Variants in CAB39L observed in about 807,000 individuals in gnomAD.
CAB39L encodes the protein calcium-binding protein 39-like.
CAB39L carries 23 observed loss-of-function variants against 39.1 expected under a neutral mutation model. The observed-to-expected ratio is 0.59, with a 90% CI of 0.42 to 0.83. The LOEUF (loss-of-function observed/expected upper bound fraction) is 0.83. Among genes scored for constraint, CAB39L ranks in the 40% least tolerant of loss-of-function variants. The pLI, the probability that CAB39L is intolerant of heterozygous loss-of-function variation, is 0.00. For missense variants in CAB39L, 366 were observed against 391.9 expected (o/e 0.93, Z 0.56); for synonymous variants, 126 against 137.2 (o/e 0.92, Z 0.57).
chr13:49,373,338 G>A (rs1244130454), intron 5 of CAB39L, among the ~76,000 whole-genome samples: 1 of 152,124 alleles, frequency 6.6e-6, no homozygotes, highest in Non-Finnish European at 1.5e-5. Context: ...TAACAAAAAA[G>A]CCAATCAAGG....
intron 1 of CAB39L, among the ~76,000 whole-genome samples, chr13:49,436,627 G>A (rs576011855): frequency 1.4e-3 from 184 of 136,254 alleles, no homozygotes; most frequent in Non-Finnish European, 1.5e-3. Context: ...CAAACTCCTG[G>A]GCTCAAGCCT....
chr13:49,380,178 A>T (rs1441627506), intron 4 of CAB39L, among the ~76,000 whole-genome samples: 1 of 152,172 alleles, frequency 6.6e-6, no homozygotes, highest in Non-Finnish European at 1.5e-5. Flanking sequence ...TAATTTTGCT[A>T]GCAATTCAAT....
intron 3 of CAB39L, among the ~76,000 whole-genome samples, chr13:49,399,814 G>T (rs943486613): frequency 3.9e-5 from 6 of 151,986 alleles, no homozygotes; most frequent in African/African-American, 1.4e-4. Context: ...GTCTAAGAAG[G>T]ACTGAGCATG....
chr13:49,421,148 T>C (rs1294932633), intron 3 of CAB39L, among the ~76,000 whole-genome samples: 1 of 152,146 alleles, frequency 6.6e-6, no homozygotes, highest in Non-Finnish European at 1.5e-5. Context: ...TGGATACTGG[T>C]GAAGCCAGCA....
At position 49,332,027 on chromosome 13, in the gene CAB39L, G is replaced by A. The variant is rs769671617; in HGVS notation, c.754C>T (p.Pro252Ser). The A allele has an allele frequency of 2.5e-6, 4 of 1,613,904 alleles. No homozygotes were observed. The Admixed American group carries it at 6.7e-5, about 27-fold the overall frequency. ...TTCATCATGAGTTTCAGGTTCTCCG[G>A]CTTGCTGATATACTTTGTCATGATG... ...FAIMTKYISK[P>S]ENLKLMMNLL... Residue 252 changes from proline to serine, a missense_variant, in exon 10 of 11, where the codon CCG (proline) becomes TCG (serine). By Grantham distance (74) the Pro-to-Ser change is moderately conservative. Coordinates refer to ENST00000409308, the MANE Select transcript of CAB39L (RefSeq NM_001079670.3).
chr13:49,315,822 T>C (rs991820270), intron 10 of CAB39L, among the ~76,000 whole-genome samples: 1 of 145,704 alleles, frequency 6.9e-6, no homozygotes, highest in Non-Finnish European at 1.5e-5. Flanking sequence ...AAGGCGGAGG[T>C]TGCAGTGAGC....
At chr13:49,368,502 G>T (rs1955829753) in intron 5 of CAB39L, among the ~76,000 whole-genome samples, 1 of 152,038 alleles carries the variant, frequency 6.6e-6, no homozygotes, top group Non-Finnish European at 1.5e-5. Context: ...GCAACCCGCA[G>T]GCTGCCAGAT....
intron 10 of CAB39L, among the ~76,000 whole-genome samples, chr13:49,329,542 AAAATATATATAT>A (rs1402857733): frequency 0.012 from 466 of 38,416 alleles, 19 homozygotes; most frequent in Non-Finnish European, 0.015. Context: ...ATTAAAAAAA[AAAATATATATAT>A]ATATATATAT....
At chr13:49,354,698 A>G (rs1955442324) in intron 6 of CAB39L, among the ~76,000 whole-genome samples, 2 of 152,212 alleles carry the variant, frequency 1.3e-5, no homozygotes, top group South Asian at 4.1e-4. Flanking sequence ...AATTTAGATC[A>G]TATAGTCTGG....
At chr13:49,385,411 G>A (rs879391578) in intron 3 of CAB39L, among the ~76,000 whole-genome samples, 4 of 152,328 alleles carry the variant, frequency 2.6e-5, no homozygotes, top group East Asian at 3.9e-4. Flanking sequence ...AACTGTCTTC[G>A]TATTAACAAT....
intron 3 of CAB39L, among the ~76,000 whole-genome samples, chr13:49,393,530 T>C (rs752960483): frequency 4.9e-4 from 74 of 152,014 alleles, no homozygotes; most frequent in Non-Finnish European, 8.8e-4. Flanking sequence ...TTAGCTAATC[T>C]TAATGACATT....
intron 3 of CAB39L, among the ~76,000 whole-genome samples, chr13:49,415,621 C>A (rs1957073108): frequency 6.6e-6 from 1 of 152,074 alleles, no homozygotes; most frequent in Non-Finnish European, 1.5e-5. Flanking sequence ...AGCCTATAGA[C>A]TTCTGAGTTT....
chr13:49,377,732 C>G (rs1956117271), intron 4 of CAB39L, among the ~76,000 whole-genome samples: 1 of 82,006 alleles, frequency 1.2e-5, no homozygotes, highest in African/African-American at 7.4e-5. Context: ...GGCGTGATCT[C>G]GGCTCACTAC....
intron 7 of CAB39L, among the ~76,000 whole-genome samples, chr13:49,348,279 C>A (rs1308864131): frequency 6.6e-6 from 1 of 152,142 alleles, no homozygotes; most frequent in Non-Finnish European, 1.5e-5. Context: ...ACAAAAGTGC[C>A]ACAGTGGCCG....
At chr13:49,369,713 G>A (rs1013818054) in intron 5 of CAB39L, among the ~76,000 whole-genome samples, 6 of 151,386 alleles carry the variant, frequency 4.0e-5, no homozygotes, top group African/African-American at 7.3e-5. Flanking sequence ...TCAACCTCCC[G>A]AGTAGCTGAG....
chr13:49,435,842 A>G (rs979167257), intron 1 of CAB39L, among the ~76,000 whole-genome samples: 3 of 151,864 alleles, frequency 2.0e-5, no homozygotes, highest in Admixed American at 6.6e-5. Context: ...TTTCTTTTTC[A>G]TATCTTTGGC....
chr13:49,399,153 T>C (rs950165692), intron 3 of CAB39L, among the ~76,000 whole-genome samples: 4 of 152,136 alleles, frequency 2.6e-5, no homozygotes, highest in Admixed American at 6.6e-5. Context: ...AGAAACAGTT[T>C]AGTCCTCATG....
At chr13:49,440,715 AGTGTGTGTGTGTGTGT>A (rs56314282) in intron 1 of CAB39L, among the ~76,000 whole-genome samples, 39 of 135,534 alleles carry the variant, frequency 2.9e-4, no homozygotes, top group East Asian at 1.9e-3. Flanking sequence ...ATTCCTAGGC[AGTGTGTGTGTGTGTGT>A]GTGTGTGTGT....
intron 5 of CAB39L, among the ~76,000 whole-genome samples, chr13:49,372,025 AG>A (rs1955932221): frequency 6.6e-6 from 1 of 152,138 alleles, no homozygotes; most frequent in Admixed American, 6.5e-5. Context: ...TGGTTTTGCA[AG>A]GCACACCTGC....
Sources: allele counts gnomAD v4.1 joint callset (sites outside exome capture counted in the v4.1 genomes callset), GRCh38; gene constraint gnomAD v4.1.1; transcripts MANE v1.5; gene names NCBI Gene and HGNC (gene_info 2026-07-23, HGNC 2026-07-21).